Variants in GLRA1 observed in about 807,000 individuals in gnomAD.
The protein encoded by GLRA1 is glycine receptor alpha 1.
GLRA1 carries 37 observed loss-of-function variants against 48.3 expected under a neutral mutation model. The ratio of observed to expected loss-of-function variants is 0.77; its 90% confidence interval spans 0.59 to 1.01. The LOEUF is 1.01. GLRA1 is among the 50% of genes least tolerant of loss of function. The pLI, the probability that GLRA1 is intolerant of heterozygous loss-of-function variation, is 0.00. For missense variants in GLRA1, 427 were observed against 571.0 expected (o/e 0.75, Z 2.57); for synonymous variants, 196 against 210.7 (o/e 0.93, Z 0.60).
chr5:151,923,147 ATTGT>A (rs1271346467), intron 1 of GLRA1, among the ~76,000 whole-genome samples: 6 of 152,212 alleles, frequency 3.9e-5, no homozygotes, highest in Admixed American at 2.0e-4. Flanking sequence ...CTACAAAATA[ATTGT>A]TTGAACAGGA....
chr5:151,825,298 C>T (rs2915889), intron 8 of GLRA1, among the ~76,000 whole-genome samples: 66,848 of 151,422 alleles, frequency 0.44, 14,992 homozygotes, highest in African/African-American at 0.53. Flanking sequence ...GGGTGTTGTT[C>T]TATTTTTATT....
At chr5:151,923,551 A>G (rs1754930484) in intron 1 of GLRA1, among the ~76,000 whole-genome samples, 1 of 152,322 alleles carries the variant, frequency 6.6e-6, no homozygotes, top group South Asian at 2.1e-4. Flanking sequence ...TATCATAGCC[A>G]TCTCTGAAGA....
At chr5:151,823,032 C>T (rs755325132) in intron 8 of GLRA1, 69 bp from the exon 9 acceptor site, 5 of 1,390,354 alleles carry the variant, frequency 3.6e-6, no homozygotes, top group Non-Finnish European at 4.9e-6. Context: ...CTGCAAGGCA[C>T]TCCCTTGGGG....
rs1047071963 is a variant in GLRA1, at chr5:151,870,890, T to C, written c.253-10882A>G. On this transcript the variant is annotated intron_variant, in intron 3 of 8. Coordinates refer to ENST00000274576, the MANE Select transcript of GLRA1 (RefSeq NM_000171.4). ...ACTCCTGGTGGACATGGCATTCTTATTATTACAATAGAAAGTCTTACTGTA... is the reference window on the plus strand; with the variant it reads ...ACTCCTGGTGGACATGGCATTCTTACTATTACAATAGAAAGTCTTACTGTA... Among the ~76,000 whole-genome samples the C allele has an allele frequency of 1.3e-5, 2 of 149,898 alleles. 1 individual carries two copies. Among genetic ancestry groups the C allele is most frequent in the African/African-American group, 5.1e-5 (2 of 39,202 alleles).
chr5:151,920,832 C>T (rs1256212494), intron 1 of GLRA1, among the ~76,000 whole-genome samples: 3 of 152,140 alleles, frequency 2.0e-5, no homozygotes, highest in Non-Finnish European at 4.4e-5. Flanking sequence ...GTACAGCTCT[C>T]CTTCAAGAAG....
chr5:151,902,139 G>A (rs1754381775), intron 1 of GLRA1, among the ~76,000 whole-genome samples: 1 of 152,176 alleles, frequency 6.6e-6, no homozygotes, highest in Non-Finnish European at 1.5e-5. Context: ...TTGCACACAT[G>A]TAACACTTTC....
chr5:151,844,642 GAAA>G (rs1752618091), intron 7 of GLRA1, among the ~76,000 whole-genome samples: 1 of 90,332 alleles, frequency 1.1e-5, no homozygotes, highest in Non-Finnish European at 2.4e-5. Context: ...AAAAAAAAAA[GAAA>G]AAGAAAAAAA....
At chr5:151,854,148 G>C (rs1752977453) in intron 6 of GLRA1, among the ~76,000 whole-genome samples, 1 of 152,212 alleles carries the variant, frequency 6.6e-6, no homozygotes, top group African/African-American at 2.4e-5. Flanking sequence ...TGCTTTCATG[G>C]CTGCTATGGG....
chr5:151,894,514 G>C (rs1009874367), intron 1 of GLRA1, among the ~76,000 whole-genome samples: 1 of 152,128 alleles, frequency 6.6e-6, no homozygotes, highest in Admixed American at 6.5e-5. Flanking sequence ...AGGATTAGAC[G>C]CCTCAGAGCC....
At chr5:151,830,628 G>A (rs1424465893) in intron 7 of GLRA1, among the ~76,000 whole-genome samples, 1 of 152,204 alleles carries the variant, frequency 6.6e-6, no homozygotes, top group African/African-American at 2.4e-5. Flanking sequence ...CTTGGCAAAG[G>A]CTAGGAGACT....
At chr5:151,894,150 C>T (rs544598892) in intron 1 of GLRA1, among the ~76,000 whole-genome samples, 133 of 150,612 alleles carry the variant, frequency 8.8e-4, no homozygotes, top group African/African-American at 2.8e-3. Flanking sequence ...TGTGTGTGTG[C>T]GTGTGTGTGT....
intron 1 of GLRA1, among the ~76,000 whole-genome samples, chr5:151,899,275 A>G (rs1388497227): frequency 6.6e-6 from 1 of 152,222 alleles, no homozygotes; most frequent in African/African-American, 2.4e-5. Flanking sequence ...TCAGTGGTGG[A>G]AGGCAGTATT....
intron 7 of GLRA1, among the ~76,000 whole-genome samples, chr5:151,831,662 A>C (rs1763429393): frequency 6.6e-6 from 1 of 152,236 alleles, no homozygotes; most frequent in Non-Finnish European, 1.5e-5. Context: ...AGGGGCTTAT[A>C]GATAAAACTA....
intron 3 of GLRA1, among the ~76,000 whole-genome samples, chr5:151,878,408 T>G (rs1753679255): frequency 6.6e-6 from 1 of 152,188 alleles, no homozygotes; most frequent in African/African-American, 2.4e-5. Context: ...GACAATGTGC[T>G]AGAAAAGAAA....
chr5:151,856,966 G>A (rs1218673161), intron 4 of GLRA1, among the ~76,000 whole-genome samples: 2 of 152,276 alleles, frequency 1.3e-5, no homozygotes, highest in Non-Finnish European at 2.9e-5. Flanking sequence ...GAAGCAGAGT[G>A]CAGTCAGCTG....
chr5:151,909,994 G>A (rs551515878), intron 1 of GLRA1, among the ~76,000 whole-genome samples: 3 of 152,048 alleles, frequency 2.0e-5, no homozygotes, highest in African/African-American at 4.8e-5. Context: ...CATCCATCAC[G>A]TTGTTCTGAG....
chr5:151,841,827 C>T (rs577003562), intron 7 of GLRA1, among the ~76,000 whole-genome samples: 62 of 152,170 alleles, frequency 4.1e-4, no homozygotes, highest in South Asian at 3.5e-3. Context: ...GAGGCCAAGA[C>T]GGGTGGATCA....
At chr5:151,827,029 G>GTTTTTTTTTTTTTTTTTTT (rs199505206) in intron 8 of GLRA1, among the ~76,000 whole-genome samples, 6 of 126,800 alleles carry the variant, frequency 4.7e-5, no homozygotes, top group African/African-American at 1.7e-4. Context: ...CTTTCTTTCT[G>GTTTTTTTTTTTTTTTTTTT]TTTTTTTTTT....
intron 7 of GLRA1, among the ~76,000 whole-genome samples, chr5:151,838,863 C>G (rs1384130613): frequency 6.6e-6 from 1 of 152,186 alleles, no homozygotes. Context: ...ATCAAAATGT[C>G]AGAAGACAAA....
Sources: allele counts gnomAD v4.1 joint callset (sites outside exome capture counted in the v4.1 genomes callset), GRCh38; gene constraint gnomAD v4.1.1; transcripts MANE v1.5; gene names NCBI Gene and HGNC (gene_info 2026-07-23, HGNC 2026-07-21).